PACRGL: variants seen among roughly 807,000 people sequenced by gnomAD.
The protein encoded by PACRGL is parkin coregulated like.
Under a neutral mutation model 34.5 loss-of-function variants are expected in PACRGL, and 38 were observed. The observed-to-expected ratio is 1.10, with a 90% CI of 0.85 to 1.44. The LOEUF (loss-of-function observed/expected upper bound fraction) is 1.44. Ranked by LOEUF, PACRGL falls within the 40% of genes most tolerant of loss-of-function variation. The probability of loss-of-function intolerance (pLI) is 0.00; values close to 1 mark genes in which losing one functional copy is unlikely to be tolerated. For missense variants in PACRGL, 305 were observed against 281.4 expected (o/e 1.08, Z -0.60); for synonymous variants, 128 against 100.1 (o/e 1.28, Z -1.66).
the PACRGL span, among the ~76,000 whole-genome samples, chr4:20,762,074 A>G: frequency 6.6e-6 from 1 of 152,208 alleles, no homozygotes. Context: ...TAGGCAGCTT[A>G]TAAACAATAG....
chr4:20,732,728 C>T (rs773142019), downstream of PACRGL: 1 of 1,613,072 alleles, frequency 6.2e-7, no homozygotes, highest in South Asian at 1.1e-5. Context: ...TCTTTGAGGA[C>T]AGGATATGTA....
At chr4:20,726,973 C>G (rs1285385007) in intron 8 of PACRGL, among the ~76,000 whole-genome samples, 1 of 152,088 alleles carries the variant, frequency 6.6e-6, no homozygotes, top group South Asian at 2.1e-4. Flanking sequence ...TTATCTCCCT[C>G]TAAAGATCAC....
chr4:20,731,551 T>C lies in PACRGL; in HGVS notation c.*4210T>C, dbSNP rs1578407073. The C allele has an allele frequency of 1.0e-6, 1 of 985,438 alleles. No individual in the cohort carries two copies. 61.0% of individuals were successfully genotyped at this position (985,438 alleles called of 1,614,324 possible). A position where few individuals can be genotyped will look rare whatever the true frequency, so the allele number is the denominator to read the frequency against. On this transcript the variant is annotated 3_prime_UTR_variant, in exon 9 of 9. Coordinates refer to ENST00000503585, the MANE Select transcript of PACRGL (RefSeq NM_001258345.3). ...AGTTCAGTCAAAGAGCCATTTCTTG[T>C]CCACATACACTAAAACAATGACTTT... is the stretch of plus-strand genomic sequence containing the variant.
chr4:20,739,387 A>G (rs1750507626), intron 8 of PACRGL, among the ~76,000 whole-genome samples: 1 of 152,200 alleles, frequency 6.6e-6, no homozygotes, highest in Non-Finnish European at 1.5e-5. Context: ...CAAAGCTTCC[A>G]GAGGAAGGAT....
At chr4:20,719,901 C>T (rs556040022) in intron 7 of PACRGL, among the ~76,000 whole-genome samples, 16 of 151,942 alleles carry the variant, frequency 1.1e-4, no homozygotes, top group South Asian at 4.2e-4. Context: ...CTTTCTGTCT[C>T]GTTGATCTGT....
downstream of PACRGL, among the ~76,000 whole-genome samples, chr4:20,753,447 C>T (rs950436507): frequency 1.3e-5 from 2 of 152,204 alleles, no homozygotes; most frequent in East Asian, 1.9e-4. Flanking sequence ...AGTTCTTAAC[C>T]CAATTATATC....
intron 7 of PACRGL, chr4:20,716,146 G>A: frequency 6.8e-7 from 1 of 1,461,376 alleles, no homozygotes. Context: ...ACCACTCTTA[G>A]GTTTGATGAT....
upstream of PACRGL, among the ~76,000 whole-genome samples, chr4:20,697,806 A>G (rs1370277792): frequency 6.6e-6 from 1 of 152,160 alleles, no homozygotes; most frequent in Admixed American, 6.5e-5. Context: ...CTGTGTCCTC[A>G]CATAGTGGAA....
chr4:20,720,929 T>G (rs1037135843), intron 7 of PACRGL, among the ~76,000 whole-genome samples: 6 of 152,202 alleles, frequency 3.9e-5, no homozygotes, highest in African/African-American at 1.4e-4. Context: ...TTTTCCAACT[T>G]GGTTCCATTC....
downstream of PACRGL, chr4:20,734,863 A>G (rs958763483): frequency 7.4e-5 from 37 of 503,258 alleles, no homozygotes; most frequent in Middle Eastern, 1.0e-3. Flanking sequence ...TTGATGTGTT[A>G]TTGGTTGTCT....
chr4:20,720,577 G>T (rs962828032), intron 7 of PACRGL, among the ~76,000 whole-genome samples: 1 of 152,158 alleles, frequency 6.6e-6, no homozygotes, highest in South Asian at 2.1e-4. Flanking sequence ...TTTGTCCTTC[G>T]CTTATGAAGC....
chr4:20,751,048 G>T (rs185139293), intron 8 of PACRGL, among the ~76,000 whole-genome samples: 3 of 152,260 alleles, frequency 2.0e-5, no homozygotes, highest in Admixed American at 1.3e-4. Context: ...CTTACAGGTT[G>T]TTTTTCCCGA....
intron 7 of PACRGL, among the ~76,000 whole-genome samples, chr4:20,721,459 T>C (rs1158249727): frequency 1.3e-5 from 2 of 152,200 alleles, no homozygotes; most frequent in African/African-American, 2.4e-5. Flanking sequence ...TGTGGTTTTA[T>C]GTACCTTTGG....
chr4:20,731,667 A>G lies in PACRGL; in HGVS notation c.*4326A>G, dbSNP rs889313709. 2 of 984,990 alleles carry G rather than the reference A, an allele frequency of 2.0e-6. No homozygotes were observed. Among genetic ancestry groups the G allele is most frequent in the African/African-American group, 3.5e-5 (2 of 57,224 alleles). The allele number at this position is 984,990 out of a possible 1,614,324, so 61.0% of individuals were successfully genotyped here. On this transcript the variant is annotated 3_prime_UTR_variant, in exon 9 of 9. Transcript: ENST00000503585. ...ATGCTGTGGAGATATGATAGATAAT[A>G]TATGAGTGATGCTAAGTTTTGGCAA...
intron 7 of PACRGL, among the ~76,000 whole-genome samples, chr4:20,722,061 G>T (rs1322986306): frequency 3.3e-5 from 5 of 152,238 alleles, no homozygotes; most frequent in African/African-American, 9.6e-5. Context: ...CCGCCTTGCA[G>T]TTCTATCCCA....
intron 8 of PACRGL, among the ~76,000 whole-genome samples, chr4:20,746,398 A>G (rs1752438616): frequency 6.6e-6 from 1 of 152,064 alleles, no homozygotes; most frequent in African/African-American, 2.4e-5. Context: ...GGGAGGGATA[A>G]TATTAGCAGA....
intron 2 of PACRGL, 60 bp downstream of exon 2, chr4:20,704,593 A>G (rs997600127): frequency 6.2e-7 from 1 of 1,613,258 alleles, no homozygotes. Context: ...TTTCTGTGCT[A>G]CAGATGGATG....
At chr4:20,715,295 G>T (rs1436092706) in intron 7 of PACRGL, among the ~76,000 whole-genome samples, 1 of 151,942 alleles carries the variant, frequency 6.6e-6, no homozygotes, top group African/African-American at 2.4e-5. Context: ...AGTGGGGAGG[G>T]ATAGCATTAG....
At chr4:20,763,265 C>CT in the PACRGL span, among the ~76,000 whole-genome samples, 2 of 152,066 alleles carry the variant, frequency 1.3e-5, no homozygotes, top group Admixed American at 6.6e-5. Context: ...CAGTATTTTG[C>CT]TTTTTTGGAT....
Sources: allele counts gnomAD v4.1 joint callset (sites outside exome capture counted in the v4.1 genomes callset), GRCh38; gene constraint gnomAD v4.1.1; transcripts MANE v1.5; gene names NCBI Gene and HGNC (gene_info 2026-07-23, HGNC 2026-07-21).